Variants in TET2 observed in about 807,000 individuals in gnomAD.
TET2 encodes methylcytosine dioxygenase TET2.
Under a neutral mutation model 142.9 loss-of-function variants are expected in TET2, and 299 were observed. The ratio of observed to expected loss-of-function variants is 2.09; its 90% CI spans 1.90 to 2.30. The LOEUF (loss-of-function observed/expected upper bound fraction) is 2.30. TET2 is among the 30% of genes most tolerant of loss of function. The pLI is 0.00. For missense variants in TET2, 2,418 were observed against 2,378.0 expected (o/e 1.02, Z -0.35); for synonymous variants, 819 against 849.0 (o/e 0.96, Z 0.61).
chr4:105,276,487 C>A lies in TET2; in HGVS notation c.5977C>A (p.Arg1993=). Residue 1993 remains arginine, a synonymous_variant, in exon 11 of 11, where the codon CGG becomes AGG. Coordinates refer to ENST00000380013, the MANE Select transcript of TET2 (RefSeq NM_001127208.3). The part of the protein sequence containing the change: ...TVTTSPYAFT[R]VTGPYNRYI ...AACTACATCTCCATATGCCTTCACT[C>A]GGGTCACAGGGCCTTACAACAGATA... 1 of 1,551,640 alleles carries A rather than the reference C, an allele frequency of 6.4e-7. No homozygotes were observed. Among genetic ancestry groups the A allele is most frequent in the Non-Finnish European group, 8.7e-7 (1 of 1,146,978 alleles).
At chr4:105,193,092 T>C (rs867631946) in intron 2 of TET2, among the ~76,000 whole-genome samples, 2 of 152,034 alleles carry the variant, frequency 1.3e-5, no homozygotes, top group Non-Finnish European at 1.5e-5. Context: ...ACTTTGGAAG[T>C]TGAATAGCAA....
At chr4:105,230,440 ACT>A (rs1728442215) in intron 2 of TET2, among the ~76,000 whole-genome samples, 1 of 152,182 alleles carries the variant, frequency 6.6e-6, no homozygotes, top group Non-Finnish European at 1.5e-5. Context: ...GGCAGTTTTG[ACT>A]CTCAAAAGCC....
intron 4 of TET2, 37 bp from the exon 5 acceptor site, chr4:105,242,797 A>G: frequency 6.5e-7 from 1 of 1,535,358 alleles, no homozygotes; most frequent in South Asian, 1.2e-5. Flanking sequence ...TTCATTTGCT[A>G]ATTGTATGTG....
rs759298142 is a variant in TET2 at position 105,234,565 on chromosome 4, C to T, written c.623C>T (p.Pro208Leu). Residue 208 changes from proline to leucine, a missense_variant, in exon 3 of 11, where the codon CCT (proline) becomes CTT (leucine). Coordinates refer to ENST00000380013, the MANE Select transcript of TET2 (RefSeq NM_001127208.3). ...CTTAAAAACAAGGCAGTGCTAATGC[C>T]TAATGGTGCTACAGTTTCTGCCTCT... Reference protein sequence around the residue: ...VLLKNKAVLMPNGATVSASSV... With the variant: ...VLLKNKAVLMLNGATVSASSV... 3 of 1,614,154 alleles carry T rather than the reference C, an allele frequency of 1.9e-6. No individual in the cohort carries two copies. In the South Asian group the frequency reaches 3.3e-5, roughly 18 times the overall value.
rs764640803 is a variant in TET2, at chr4:105,234,118, GTTA to G, written c.181_183del (p.Tyr61del). On this transcript the variant is annotated inframe_deletion, in exon 3 of 11. Coordinates refer to ENST00000380013, the MANE Select transcript of TET2 (RefSeq NM_001127208.3). Reference sequence around the variant, plus strand: ...GACACCAAGTGGCACTCTTTCAAAAGTTATTATGGAATACCCTGTATGAAGGGA... The same window carrying G: ...GACACCAAGTGGCACTCTTTCAAAAGTTATGGAATACCCTGTATGAAGGGA... 6.2e-6 allele frequency: 10 copies of G among 1,614,130 alleles called. No homozygotes were observed. The highest frequency in any genetic ancestry group is 8.5e-6 in the Non-Finnish European group (10 of 1,180,018).
At chr4:105,166,384 A>G (rs1253868423) in intron 1 of TET2, among the ~76,000 whole-genome samples, 1 of 151,838 alleles carries the variant, frequency 6.6e-6, no homozygotes, top group Non-Finnish European at 1.5e-5. Flanking sequence ...GCATTTTTTT[A>G]TTCTTGTTGA....
chr4:105,149,150 A>T (rs1001816249), intron 1 of TET2, among the ~76,000 whole-genome samples: 1 of 152,206 alleles, frequency 6.6e-6, no homozygotes, highest in Non-Finnish European at 1.5e-5. Flanking sequence ...ATTAAAAACA[A>T]TTCCTTTTGC....
At chr4:105,257,137 T>TTAAAC (rs1730177276) in intron 6 of TET2, among the ~76,000 whole-genome samples, 1 of 152,098 alleles carries the variant, frequency 6.6e-6, no homozygotes, top group Admixed American at 6.6e-5. Context: ...TTTAGACATT[T>TTAAAC]TAAACTAATG....
intron 1 of TET2, among the ~76,000 whole-genome samples, chr4:105,188,962 A>T (rs932774874): frequency 6.6e-6 from 1 of 151,884 alleles, no homozygotes; most frequent in African/African-American, 2.4e-5. Flanking sequence ...GAGTGGCATA[A>T]TTTTTTTTAA....
chr4:105,166,367 T>G (rs1407319392), intron 1 of TET2, among the ~76,000 whole-genome samples: 1 of 152,116 alleles, frequency 6.6e-6, no homozygotes, highest in Non-Finnish European at 1.5e-5. Context: ...TCTTGAAAAT[T>G]TTAATTGCAT....
intron 2 of TET2, among the ~76,000 whole-genome samples, chr4:105,199,950 G>A (rs1432317480): frequency 6.6e-6 from 1 of 152,056 alleles, no homozygotes; most frequent in Non-Finnish European, 1.5e-5. Flanking sequence ...TTATTGGTGG[G>A]CATTTAGGTT....
At position 105,235,920 on chromosome 4, in the gene TET2, G is replaced by T; in HGVS notation, c.1978G>T (p.Val660Leu). 6.2e-7 allele frequency: 1 copy of T among 1,614,036 alleles called. No individual in the cohort carries two copies. Among genetic ancestry groups the T allele is most frequent in the African/African-American group, 1.3e-5 (1 of 75,016 alleles). Residue 660 changes from valine (V) to leucine (L), a missense_variant, in exon 3 of 11, where the codon GTG (valine) becomes TTG (leucine). By Grantham distance (32) the Val-to-Leu change is conservative. Coordinates refer to ENST00000380013, the MANE Select transcript of TET2 (RefSeq NM_001127208.3). The part of the protein sequence containing the change: ...HLQFQKPSHQ[V>L]HFSKTDHLPK... ...CCAGTTCCAAAAACCCTCACACCAGGTGCACTTCTCCAAAACAGACCATTT... is the reference window on the plus strand; with the variant it reads ...CCAGTTCCAAAAACCCTCACACCAGTTGCACTTCTCCAAAACAGACCATTT...
chr4:105,192,607 T>A (rs991951382), intron 2 of TET2, among the ~76,000 whole-genome samples: 1 of 152,210 alleles, frequency 6.6e-6, no homozygotes, highest in Non-Finnish European at 1.5e-5. Context: ...TTTTGAAATA[T>A]GAATTCATTC....
chr4:105,251,058 G>T (rs1222864551), intron 6 of TET2, among the ~76,000 whole-genome samples: 2 of 151,816 alleles, frequency 1.3e-5, no homozygotes, highest in African/African-American at 4.8e-5. Context: ...ATAATATATG[G>T]TCATAAATTT....
chr4:105,191,350 T>C (rs1725776353), intron 2 of TET2, among the ~76,000 whole-genome samples: 2 of 152,196 alleles, frequency 1.3e-5, no homozygotes. Context: ...TATGCATGTA[T>C]AGAAGTAGGG....
chr4:105,162,703 G>A (rs1048183637), intron 1 of TET2, among the ~76,000 whole-genome samples: 2 of 152,176 alleles, frequency 1.3e-5, no homozygotes, highest in African/African-American at 4.8e-5. Flanking sequence ...AACAGTTGGA[G>A]CAAGAGCTGC....
chr4:105,175,130 T>C (rs1724706351), intron 1 of TET2, among the ~76,000 whole-genome samples: 1 of 152,130 alleles, frequency 6.6e-6, no homozygotes, highest in Non-Finnish European at 1.5e-5. Context: ...TAAAAGCCTA[T>C]TTGCAGCAGT....
rs754215085 is a variant in TET2, at chr4:105,276,407, G to A, written c.5897G>A (p.Arg1966His). The A allele has an allele frequency of 2.2e-5, 34 of 1,551,778 alleles. No homozygotes were observed. The highest frequency in any genetic ancestry group is 1.1e-4 in the South Asian group (9 of 84,058). The change falls in exon 11 of 11, where the codon CGT (arginine) becomes CAT (histidine). Residue 1966 changes from arginine (R) to histidine (H), a missense_variant. Transcript: ENST00000380013. The stretch of plus-strand genomic sequence containing the variant: ...GAAACTTCAGAGCCCACTTACCTGC[G>A]TTTCATCAAGTCTCTTGCCGAAAGG... Reference protein sequence around the residue: ...PHETSEPTYLRFIKSLAERTM... With the variant: ...PHETSEPTYLHFIKSLAERTM...
At chr4:105,151,901 C>G (rs1043806440) in intron 1 of TET2, among the ~76,000 whole-genome samples, 5 of 152,022 alleles carry the variant, frequency 3.3e-5, no homozygotes, top group African/African-American at 1.2e-4. Flanking sequence ...ATGGTGAAAC[C>G]CTGTCTCTAC....
Sources: allele counts gnomAD v4.1 joint callset (sites outside exome capture counted in the v4.1 genomes callset), GRCh38; gene constraint gnomAD v4.1.1; transcripts MANE v1.5; gene names NCBI Gene and HGNC (gene_info 2026-07-23, HGNC 2026-07-21).